Variants in IMMP2L observed in about 807,000 individuals in gnomAD.
The protein encoded by IMMP2L is inner mitochondrial membrane peptidase subunit 2, also known as mitochondrial inner membrane protease subunit 2.
IMMP2L carries 18 observed loss-of-function variants against 19.3 expected under a neutral mutation model. The observed-to-expected ratio is 0.93, with a 90% CI of 0.64 to 1.38. The LOEUF (loss-of-function observed/expected upper bound fraction) is 1.38. Among genes scored for constraint, IMMP2L ranks in the 40% most tolerant of loss-of-function variants. The probability of loss-of-function intolerance (pLI) is 0.00; values close to 1 mark genes in which losing one functional copy is unlikely to be tolerated. For missense variants in IMMP2L, 233 were observed against 218.2 expected, an observed-to-expected ratio of 1.07 and a Z score of -0.43; for synonymous variants, 76 against 73.0, an observed-to-expected ratio of 1.04 and a Z score of -0.21.
chr7:111,253,907 A>G (rs1053840944), intron 3 of IMMP2L, among the ~76,000 whole-genome samples: 1 of 152,172 alleles, frequency 6.6e-6, no homozygotes, highest in African/African-American at 2.4e-5. Flanking sequence ...AAATCCAGAT[A>G]TCAGAATTCT....
At chr7:110,830,481 C>T (rs1043451438) in intron 5 of IMMP2L, among the ~76,000 whole-genome samples, 2 of 152,124 alleles carry the variant, frequency 1.3e-5, no homozygotes, top group Non-Finnish European at 2.9e-5. Context: ...AAAGTGGACA[C>T]AGTTTTACAT....
intron 5 of IMMP2L, among the ~76,000 whole-genome samples, chr7:110,798,900 A>G (rs1801052690): frequency 6.6e-6 from 1 of 151,994 alleles, no homozygotes; most frequent in Non-Finnish European, 1.5e-5. Flanking sequence ...TTAATGGGCA[A>G]TGACATCAAT....
chr7:111,118,337 A>T (rs528484866), intron 3 of IMMP2L, among the ~76,000 whole-genome samples: 1 of 152,138 alleles, frequency 6.6e-6, no homozygotes, highest in Non-Finnish European at 1.5e-5. Context: ...TACTAAGGAA[A>T]AGTAGCTTTA....
intron 3 of IMMP2L, among the ~76,000 whole-genome samples, chr7:111,430,210 A>G (rs2131676884): frequency 6.6e-6 from 1 of 152,054 alleles, no homozygotes; most frequent in African/African-American, 2.4e-5. Flanking sequence ...GGTAAGGAAT[A>G]TTGAAAATTA....
chr7:111,178,069 C>T (rs180884214), intron 3 of IMMP2L, among the ~76,000 whole-genome samples: 116 of 152,084 alleles, frequency 7.6e-4, no homozygotes, highest in African/African-American at 2.6e-3. Context: ...CTTTTAAGAA[C>T]CAGCAAGCAT....
intron 3 of IMMP2L, among the ~76,000 whole-genome samples, chr7:110,994,858 T>G (rs556987007): frequency 2.0e-5 from 3 of 152,142 alleles, no homozygotes; most frequent in Non-Finnish European, 4.4e-5. Flanking sequence ...GCTTTAACAC[T>G]TCTGAGCTTC....
At chr7:111,219,749 T>A (rs1295153628) in intron 3 of IMMP2L, among the ~76,000 whole-genome samples, 2 of 150,298 alleles carry the variant, frequency 1.3e-5, no homozygotes, top group Non-Finnish European at 3.0e-5. Context: ...ACTAATTTTT[T>A]TGGTCTATAA....
intron 5 of IMMP2L, chr7:110,724,050 G>A (rs995006932): frequency 1.3e-5 from 2 of 152,078 alleles, no homozygotes; most frequent in Non-Finnish European, 2.9e-5. Flanking sequence ...ATCATTTCTA[G>A]TTATTTTCTG....
chr7:111,458,920 T>A (rs1839906374), intron 3 of IMMP2L, among the ~76,000 whole-genome samples: 1 of 152,196 alleles, frequency 6.6e-6, no homozygotes, highest in Admixed American at 6.6e-5. Context: ...AATCTCCTTG[T>A]ATATAAACTC....
chr7:110,819,217 G>A (rs751732099), intron 5 of IMMP2L, among the ~76,000 whole-genome samples: 1 of 151,954 alleles, frequency 6.6e-6, no homozygotes, highest in Non-Finnish European at 1.5e-5. Context: ...CTTAACTTGG[G>A]TGGAACCTTG....
intron 1 of IMMP2L, among the ~76,000 whole-genome samples, chr7:111,558,893 G>T (rs529707074): frequency 6.6e-6 from 1 of 152,138 alleles, no homozygotes; most frequent in South Asian, 2.1e-4. Context: ...GGAATACAAT[G>T]GGTTCTTAAG....
rs771398439 is a variant in IMMP2L, at chr7:110,886,548, C to T, written c.408+45G>A. 6.4e-6 allele frequency: 7 copies of T among 1,096,418 alleles called. No individual in the cohort carries two copies. In the African/African-American group the frequency reaches 1.1e-4, roughly 17 times the overall value. 67.9% of individuals were successfully genotyped at this position (1,096,418 alleles called of 1,614,324 possible). A position where few individuals can be genotyped will look rare whatever the true frequency, so the allele number is the denominator to read the frequency against. ...CTATCTGACATAGTTTTGTTCTCAC[C>T]TTTGAAATCCAATTACATCAACAAG... is the stretch of plus-strand genomic sequence containing the variant. On this transcript the variant is annotated intron_variant, in intron 5 of 5. Coordinates refer to ENST00000405709, the MANE Select transcript of IMMP2L (RefSeq NM_032549.4).
chr7:110,955,350 G>A (rs555461968), intron 4 of IMMP2L, among the ~76,000 whole-genome samples: 1 of 151,950 alleles, frequency 6.6e-6, no homozygotes, highest in African/African-American at 2.4e-5. Context: ...AAAAAGGTAA[G>A]AATATCCATA....
At chr7:111,549,316 T>C (rs1849227107) in intron 1 of IMMP2L, among the ~76,000 whole-genome samples, 2 of 152,146 alleles carry the variant, frequency 1.3e-5, no homozygotes, top group African/African-American at 4.8e-5. Context: ...TCCTCAAAAA[T>C]AACCCATGAA....
At chr7:110,763,622 A>G (rs1004502240) in intron 5 of IMMP2L, among the ~76,000 whole-genome samples, 1 of 152,156 alleles carries the variant, frequency 6.6e-6, no homozygotes, top group Non-Finnish European at 1.5e-5. Flanking sequence ...AACACTGACA[A>G]ACCACTTAAA....
chr7:111,036,279 C>T (rs894382118), intron 3 of IMMP2L, among the ~76,000 whole-genome samples: 5 of 152,070 alleles, frequency 3.3e-5, no homozygotes, highest in Admixed American at 6.6e-5. Context: ...TGACAAGAGA[C>T]GCACTGTGAA....
At chr7:111,137,261 A>G (rs569375202) in intron 3 of IMMP2L, among the ~76,000 whole-genome samples, 1 of 152,264 alleles carries the variant, frequency 6.6e-6, no homozygotes, top group South Asian at 2.1e-4. Context: ...GAGAAGACTC[A>G]TTCTATATTC....
At chr7:111,062,849 T>G (rs1794145713) in intron 3 of IMMP2L, among the ~76,000 whole-genome samples, 2 of 152,250 alleles carry the variant, frequency 1.3e-5, no homozygotes, top group African/African-American at 2.4e-5. Context: ...CCCATGGTCT[T>G]GGACAGCTCT....
intron 5 of IMMP2L, among the ~76,000 whole-genome samples, chr7:110,750,256 G>GTT (rs34823317): frequency 2.0e-5 from 3 of 151,556 alleles, no homozygotes; most frequent in African/African-American, 4.8e-5. Context: ...AGCTGTAAGA[G>GTT]TTTTTTTTGT....
Sources: allele counts gnomAD v4.1 joint callset (sites outside exome capture counted in the v4.1 genomes callset), GRCh38; gene constraint gnomAD v4.1.1; transcripts MANE v1.5; gene names NCBI Gene and HGNC (gene_info 2026-07-23, HGNC 2026-07-21).